TAB2: variants seen among roughly 807,000 people sequenced by gnomAD.
TAB2 encodes the protein TGF-beta activated kinase 1 (MAP3K7) binding protein 2.
A neutral mutation model predicts 65.0 loss-of-function variants in TAB2; 3 were observed. That is an observed-to-expected ratio of 0.05 (90% CI 0.02 to 0.12). The LOEUF is 0.12. TAB2 is among the 10% of genes least tolerant of loss of function. The pLI is 1.00. For synonymous variants in TAB2, 298 were observed against 285.1 expected (o/e 1.05, Z -0.46); for missense variants, 623 against 840.3 (o/e 0.74, Z 3.20).
At chr6:149,269,733 G>C (rs114687920) in intron 1 of TAB2, among the ~76,000 whole-genome samples, 2,228 of 152,164 alleles carry the variant, frequency 0.015, 65 homozygotes, top group African/African-American at 0.051. Context: ...CTTTCACTTG[G>C]TATATATGAG....
chr6:149,343,463 C>T (rs6910411), intron 1 of TAB2, among the ~76,000 whole-genome samples: 2 of 147,038 alleles, frequency 1.4e-5, no homozygotes, highest in African/African-American at 5.1e-5. Context: ...CAGAGTGAGA[C>T]TCCGTCTCAA....
intron 1 of TAB2, chr6:149,247,165 C>T (rs574232816): frequency 6.6e-6 from 1 of 152,516 alleles, no homozygotes; most frequent in East Asian, 1.9e-4. Context: ...AGTGTGAGCT[C>T]CCTGAGGGTA....
At chr6:149,252,400 CAAAAA>C (rs10700931) in intron 1 of TAB2, among the ~76,000 whole-genome samples, 2 of 92,860 alleles carry the variant, frequency 2.2e-5, no homozygotes, top group Non-Finnish European at 2.4e-5. Flanking sequence ...AACTCTGCCT[CAAAAA>C]AAAAAAAAAA....
intron 1 of TAB2, among the ~76,000 whole-genome samples, chr6:149,292,812 A>G (rs967353219): frequency 2.6e-5 from 4 of 152,200 alleles, no homozygotes; most frequent in African/African-American, 9.6e-5. Flanking sequence ...AGCTAACCGT[A>G]TGACCAATTT....
chr6:149,397,532 C>T, intron 3 of TAB2, 72 bp from the exon 4 acceptor site: 4 of 1,540,078 alleles, frequency 2.6e-6, no homozygotes, highest in Non-Finnish European at 2.7e-6. Flanking sequence ...TTCTTGTTTG[C>T]TTTTCCAAGT....
intron 1 of TAB2, among the ~76,000 whole-genome samples, chr6:149,306,274 C>T (rs1225671545): frequency 1.3e-5 from 2 of 152,122 alleles, no homozygotes; most frequent in African/African-American, 2.4e-5. Context: ...GGTGCGGTGG[C>T]TCACGCCTGT....
chr6:149,394,516 A>G lies in TAB2; in HGVS notation c.1604-3088A>G, dbSNP rs543303087. ...AATTTTTTATTGAATGCCACACACTATGTGTAAAGGAACAGAGGAGACTAA... is the reference window on the plus strand; with the variant it reads ...AATTTTTTATTGAATGCCACACACTGTGTGTAAAGGAACAGAGGAGACTAA... On this transcript the variant is annotated intron_variant, in intron 3 of 6. Transcript: ENST00000637181. Among the ~76,000 whole-genome samples the G allele has an allele frequency of 4.3e-4, 65 of 152,258 alleles. No homozygotes were observed. The South Asian group carries it at 0.013, about 31-fold the overall frequency.
intron 6 of TAB2, among the ~76,000 whole-genome samples, chr6:149,409,155 C>G (rs1782759672): frequency 6.6e-6 from 1 of 152,134 alleles, no homozygotes; most frequent in Non-Finnish European, 1.5e-5. Flanking sequence ...AAAAACTGCC[C>G]TTTCTGGTAG....
intron 5 of TAB2, 71 bp downstream of exon 5, chr6:149,398,133 A>G (rs1782238525): frequency 8.8e-6 from 11 of 1,248,150 alleles, no homozygotes; most frequent in South Asian, 8.7e-5. Flanking sequence ...GTGGCTAAAA[A>G]CAGACTTATC....
At chr6:149,397,481 A>T in intron 3 of TAB2, 123 bp from the exon 4 acceptor site, 2 of 1,132,752 alleles carry the variant, frequency 1.8e-6, no homozygotes, top group Non-Finnish European at 1.3e-6. Flanking sequence ...GCCTAAACTT[A>T]CAATATTTTG....
At chr6:149,368,341 A>G (rs1186465270) in intron 1 of TAB2, among the ~76,000 whole-genome samples, 1 of 152,112 alleles carries the variant, frequency 6.6e-6, no homozygotes, top group Non-Finnish European at 1.5e-5. Flanking sequence ...AGTGGCTTTG[A>G]TAAGTGTAGT....
chr6:149,347,862 G>A (rs761446834), intron 1 of TAB2, among the ~76,000 whole-genome samples: 17 of 151,974 alleles, frequency 1.1e-4, no homozygotes, highest in Non-Finnish European at 1.9e-4. Flanking sequence ...AATGTAAAAG[G>A]TATTTAAATA....
intron 1 of TAB2, among the ~76,000 whole-genome samples, chr6:149,321,593 C>T (rs1254984860): frequency 2.0e-5 from 3 of 152,138 alleles, no homozygotes; most frequent in African/African-American, 7.2e-5. Flanking sequence ...AAAAAGATGC[C>T]AGAATAATGA....
intron 3 of TAB2, among the ~76,000 whole-genome samples, chr6:149,394,724 A>G (rs533736087): frequency 6.6e-6 from 1 of 152,326 alleles, no homozygotes; most frequent in African/African-American, 2.4e-5. Flanking sequence ...TTCTTAGAGT[A>G]GTGCCTGAAG....
At chr6:149,348,617 A>G (rs1317783484) in intron 1 of TAB2, among the ~76,000 whole-genome samples, 2 of 151,922 alleles carry the variant, frequency 1.3e-5, no homozygotes, top group East Asian at 1.9e-4. Context: ...CTTATGGGAA[A>G]AAAAAAAGGA....
intron 1 of TAB2, among the ~76,000 whole-genome samples, chr6:149,265,784 C>T (rs563008793): frequency 6.6e-6 from 1 of 152,332 alleles, no homozygotes; most frequent in East Asian, 1.9e-4. Flanking sequence ...AAGGTACAAA[C>T]TCTTTAGCCT....
chr6:149,221,602 C>T (rs1353187581), intron 1 of TAB2, among the ~76,000 whole-genome samples: 1 of 152,210 alleles, frequency 6.6e-6, no homozygotes, highest in Admixed American at 6.5e-5. Flanking sequence ...CTTTTTCTGT[C>T]CCTGTCCTTC....
At chr6:149,333,708 A>AGTGTGT (rs61004397) in intron 1 of TAB2, among the ~76,000 whole-genome samples, 4,756 of 144,848 alleles carry the variant, frequency 0.033, 78 homozygotes, top group Admixed American at 0.049. Context: ...CCAGATCCAT[A>AGTGTGT]GTGTGTGTGT....
intron 1 of TAB2, among the ~76,000 whole-genome samples, chr6:149,267,122 G>A (rs574719404): frequency 3.9e-5 from 6 of 152,278 alleles, no homozygotes; most frequent in African/African-American, 9.6e-5. Context: ...AATGAAATGC[G>A]TGCCTGTGAG....
Sources: gnomAD v4.1 joint callset for allele counts (sites outside exome capture counted in the v4.1 genomes callset) on GRCh38, gnomAD v4.1.1 for gene constraint, MANE v1.5 for transcripts, NCBI Gene and HGNC (gene_info 2026-07-23, HGNC 2026-07-21) for gene names.